Variants in FIRRM observed in about 807,000 individuals in gnomAD.
The protein encoded by FIRRM is FIGNL1 interacting regulator of recombination and mitosis, also known as FIGNL1-interacting regulator of recombination and mitosis.
chr1:169,802,536 G>A, the FIRRM span: 207 of 862,222 alleles, frequency 2.4e-4, 1 homozygote, highest in Non-Finnish European at 9.3e-5. Context: ...TCAAATTATC[G>A]TATTGTGTTT....
At chr1:169,829,223 G>T in the FIRRM span, 25 of 1,443,430 alleles carry the variant, frequency 1.7e-5, no homozygotes, top group Non-Finnish European at 2.2e-5. Context: ...ATTAGTAAAT[G>T]TTATTAATGT....
the FIRRM span, chr1:169,792,659 A>C: frequency 6.2e-7 from 1 of 1,611,506 alleles, no homozygotes; most frequent in Non-Finnish European, 8.5e-7. Context: ...GGTCTTAAAA[A>C]CATCTCTTTC....
the FIRRM span, among the ~76,000 whole-genome samples, chr1:169,845,679 C>T: frequency 1.3e-5 from 1 of 79,612 alleles, no homozygotes; most frequent in East Asian, 3.4e-4. Context: ...TCATGAGAAG[C>T]AACTCCTCTT....
chr1:169,789,990 G>A, the FIRRM span, among the ~76,000 whole-genome samples: 1 of 152,140 alleles, frequency 6.6e-6, no homozygotes, highest in South Asian at 2.1e-4. Context: ...TTTTGCAGAT[G>A]GAGAAATTGA....
the FIRRM span, among the ~76,000 whole-genome samples, chr1:169,801,867 A>G: frequency 6.6e-6 from 1 of 152,188 alleles, no homozygotes; most frequent in South Asian, 2.1e-4. Flanking sequence ...TCTTGTACTC[A>G]TAGTCACTTG....
At chr1:169,803,357 A>C in the FIRRM span, 1 of 1,536,410 alleles carries the variant, frequency 6.5e-7, no homozygotes, top group Non-Finnish European at 8.9e-7. Context: ...ATCAATGTGC[A>C]TAGGGGCTGA....
chr1:169,788,463 A>G, the FIRRM span, among the ~76,000 whole-genome samples: 1 of 152,252 alleles, frequency 6.6e-6, no homozygotes, highest in Non-Finnish European at 1.5e-5. Flanking sequence ...AATCTATAAT[A>G]CATATGACAT....
the FIRRM span, among the ~76,000 whole-genome samples, chr1:169,822,386 T>C: frequency 6.6e-6 from 1 of 152,224 alleles, no homozygotes; most frequent in East Asian, 1.9e-4. Flanking sequence ...AAATTGAACA[T>C]GGACAATAGT....
the FIRRM span, among the ~76,000 whole-genome samples, chr1:169,796,770 T>A: frequency 6.6e-6 from 1 of 152,238 alleles, no homozygotes; most frequent in Non-Finnish European, 1.5e-5. Context: ...CCTTCTCTCA[T>A]ACCTAGTTAA....
chr1:169,827,204 G>C, the FIRRM span: 1 of 1,608,420 alleles, frequency 6.2e-7, no homozygotes, highest in Non-Finnish European at 8.5e-7. Flanking sequence ...AATTAGGTAA[G>C]CTTCAAAATA....
the FIRRM span, among the ~76,000 whole-genome samples, chr1:169,816,472 T>G: frequency 6.6e-6 from 1 of 152,250 alleles, no homozygotes; most frequent in African/African-American, 2.4e-5. Flanking sequence ...CCATTTTTAC[T>G]AAAGGCAAAT....
chr1:169,846,244 A>G, the FIRRM span, among the ~76,000 whole-genome samples: 7 of 152,206 alleles, frequency 4.6e-5, no homozygotes, highest in Non-Finnish European at 8.8e-5. Flanking sequence ...CAGGTATGCC[A>G]TCATCCTGGC....
chr1:169,816,904 A>G, the FIRRM span, among the ~76,000 whole-genome samples: 1 of 152,238 alleles, frequency 6.6e-6, no homozygotes, highest in African/African-American at 2.4e-5. Flanking sequence ...TTCGTATTGC[A>G]CTTATGCAAA....
the FIRRM span, chr1:169,821,897 G>T: frequency 4.0e-6 from 2 of 505,820 alleles, no homozygotes; most frequent in Non-Finnish European, 3.5e-6. Flanking sequence ...AAACCGGTAA[G>T]GCTGGGATTT....
the FIRRM span, among the ~76,000 whole-genome samples, chr1:169,787,874 G>GT: frequency 0.5 from 75,823 of 151,214 alleles, 19,511 homozygotes; most frequent in Middle Eastern, 0.62. Context: ...ATGTTACATA[G>GT]TTTTTTTTCA....
At chr1:169,796,388 T>C in the FIRRM span, among the ~76,000 whole-genome samples, 5 of 152,260 alleles carry the variant, frequency 3.3e-5, no homozygotes, top group African/African-American at 1.2e-4. Flanking sequence ...AAGTTGAAAG[T>C]CAACATTCCC....
chr1:169,853,861 T>G, the FIRRM span: 1 of 1,462,402 alleles, frequency 6.8e-7, no homozygotes, highest in Non-Finnish European at 9.5e-7. Context: ...GAATTTAAAA[T>G]TTATCTTTTG....
chr1:169,853,837 ATTTG>A, the FIRRM span: 2 of 1,576,484 alleles, frequency 1.3e-6, no homozygotes, highest in Admixed American at 1.7e-5. Flanking sequence ...TCATACGCAA[ATTTG>A]AAAAAGCAGG....
the FIRRM span, chr1:169,807,813 A>G: frequency 6.9e-6 from 11 of 1,603,044 alleles, no homozygotes; most frequent in Non-Finnish European, 7.6e-6. Flanking sequence ...GCACCAGTCC[A>G]TAATAAAAAG....
Sources: allele counts gnomAD v4.1 joint callset (sites outside exome capture counted in the v4.1 genomes callset), GRCh38; gene constraint gnomAD v4.1.1; transcripts MANE v1.5; gene names NCBI Gene and HGNC (gene_info 2026-07-23, HGNC 2026-07-21).